The following SLC12A5 variants were observed in gnomAD, a reference collection of about 807,000 sequenced individuals.
SLC12A5 encodes the protein solute carrier family 12 member 5, also known as K-Cl cotransporter 2.
A neutral mutation model predicts 124.0 loss-of-function variants in SLC12A5; 18 were observed. The ratio of observed to expected loss-of-function variants is 0.15; its 90% CI spans 0.10 to 0.22. The LOEUF (loss-of-function observed/expected upper bound fraction) is 0.22, where lower values mean the gene tolerates loss of function less well. SLC12A5 is among the 10% of genes least tolerant of loss of function. The probability of loss-of-function intolerance (pLI) is 1.00; values close to 1 mark genes in which losing one functional copy is unlikely to be tolerated. For synonymous variants in SLC12A5, 589 were observed against 568.0 expected (o/e 1.04, Z -0.53); for missense variants, 867 against 1,478.7 (o/e 0.59, Z 6.78).
At position 46,056,974 on chromosome 20, in the gene SLC12A5, C is replaced by T; in HGVS notation, c.3125+63C>T. 6.2e-7 allele frequency: 1 copy of T among 1,612,298 alleles called. No homozygotes were observed. ...ATGGCCAGGGTCCCTACCCTCCTCA[C>T]TCTGTTGTGAACCCCTAATTGGTGC... On this transcript the variant is annotated intron_variant, in intron 24 of 25. Transcript: ENST00000243964. The surrounding 1 kb of genome is among the most constrained non-coding windows in gnomAD (Gnocchi z 4.3).
intron 4 of SLC12A5, 135 bp from the exon 5 acceptor site, chr20:46,036,606 A>G (rs1186837612): frequency 7.3e-6 from 6 of 825,722 alleles, no homozygotes; most frequent in Non-Finnish European, 1.2e-5. Flanking sequence ...AGAAGTTGGA[A>G]CAGGTCCAGG....
upstream of SLC12A5, chr20:46,021,722 G>T: frequency 6.5e-7 from 1 of 1,528,118 alleles, no homozygotes; most frequent in Non-Finnish European, 8.7e-7. Context: ...AGCCACTTGT[G>T]CGATCCCGGA....
Position 46,029,361 on chromosome 20 carries a change from C to T in SLC12A5, c.17C>T (p.Thr6Met), listed in dbSNP as rs538727547. Residue 6 changes from threonine (T) to methionine (M), a missense_variant, in exon 1 of 26, where the codon ACG becomes ATG. Physicochemically the swap from Thr to Met is moderately conservative, Grantham distance 81 (BLOSUM62 -1). Around this residue, in one of 9 missense-constraint regions of SLC12A5, gnomAD observed 58 missense variants for 52.2 expected, o/e 1.11. Transcript: ENST00000243964. MLNNL[T>M]DCEDGDGGAN... ...GCCGCCACCATGCTAAACAACCTGACGGACTGCGAGGACGGCGATGGGGGA... is the reference window on the plus strand; with the variant it reads ...GCCGCCACCATGCTAAACAACCTGATGGACTGCGAGGACGGCGATGGGGGA... 4.5e-6 allele frequency: 7 copies of T among 1,548,944 alleles called. No homozygotes were observed. The Admixed American group carries it at 1.2e-4, about 26-fold the overall frequency.
Position 46,056,850 on chromosome 20 carries a change from C to T in SLC12A5, c.3111-47C>T. Reference sequence around the variant, plus strand: ...CCCCAGTGTCTTCCTCTTTTTCTGACTCTGCTCTTTTTCTTTCTCTCTTTG... The same window carrying T: ...CCCCAGTGTCTTCCTCTTTTTCTGATTCTGCTCTTTTTCTTTCTCTCTTTG... On this transcript the variant is annotated intron_variant, in intron 23 of 25. Coordinates refer to ENST00000243964, the MANE Select transcript of SLC12A5 (RefSeq NM_020708.5). This position sits in a 1 kb window ranked among gnomAD's most constrained non-coding sequence, Gnocchi z 4.3. The T allele has an allele frequency of 2.5e-6, 4 of 1,596,082 alleles. No individual in the cohort carries two copies. The highest frequency in any genetic ancestry group is 3.4e-6 in the Non-Finnish European group (4 of 1,164,094).
chr20:46,056,183 A>G lies in SLC12A5; in HGVS notation c.2821A>G (p.Ile941Val). Reference sequence around the variant, plus strand: ...TATCACAGATGAGTCACGAGGCTCAATCCGGAGAAAGAATCCAGCCAACAC... The same window carrying G: ...TATCACAGATGAGTCACGAGGCTCAGTCCGGAGAAAGAATCCAGCCAACAC... ...QSITDESRGS[I>V]RRKNPANTRL... The change falls in exon 22 of 26, where the codon ATC becomes GTC. Residue 941 changes from isoleucine (I) to valine (V), a missense_variant. By Grantham distance (29) the Ile-to-Val change is conservative. Coordinates refer to ENST00000243964, the MANE Select transcript of SLC12A5 (RefSeq NM_020708.5). The surrounding 1 kb of genome is among the most constrained non-coding windows in gnomAD (Gnocchi z 4.3). 6.2e-7 allele frequency: 1 copy of G among 1,614,168 alleles called. No homozygotes were observed. Among genetic ancestry groups the G allele is most frequent in the Non-Finnish European group, 8.5e-7 (1 of 1,180,016 alleles).
chr20:46,047,848 G>A (rs1017156527), intron 15 of SLC12A5, 133 bp from the exon 16 acceptor site: 2 of 907,518 alleles, frequency 2.2e-6, no homozygotes, highest in African/African-American at 3.3e-5. Flanking sequence ...TGAGTCTGTT[G>A]GCAGGAGTGA....
At chr20:46,050,771 G>A (rs1448778564) in intron 17 of SLC12A5, among the ~76,000 whole-genome samples, 2 of 152,216 alleles carry the variant, frequency 1.3e-5, no homozygotes, top group Admixed American at 6.5e-5. Context: ...ACAGGCTGGT[G>A]GGGAAGGCAG....
intron 1 of SLC12A5, among the ~76,000 whole-genome samples, chr20:46,030,587 G>T (rs1357955515): frequency 6.6e-6 from 1 of 151,888 alleles, no homozygotes. Flanking sequence ...TGCTGTCTGC[G>T]CTCAGCGCCT....
chr20:46,046,099 C>A, intron 13 of SLC12A5, 103 bp downstream of exon 13: 1 of 1,085,214 alleles, frequency 9.2e-7, no homozygotes, highest in Non-Finnish European at 1.4e-6. Context: ...TTTAGCAACC[C>A]CAGGAAGTTC....
upstream of SLC12A5, among the ~76,000 whole-genome samples, chr20:46,027,308 A>T (rs902140779): frequency 6.6e-6 from 1 of 152,178 alleles, no homozygotes; most frequent in Non-Finnish European, 1.5e-5. Context: ...TATCCAAAAA[A>T]CCAAGTGGCA....
chr20:46,027,695 G>T (rs578130062), upstream of SLC12A5: 1 of 152,366 alleles, frequency 6.6e-6, no homozygotes, highest in South Asian at 2.1e-4. Context: ...GAGGGGCATG[G>T]ATATGACTGC....
Position 46,045,023 on chromosome 20 carries a change from A to C in SLC12A5, c.1452A>C (p.Pro484=). Reference sequence around the variant, plus strand: ...TGGGCACTCTGGCCTGGCCATCTCCATGGGTAATTGTCATCGGATCCTTCT... The same window carrying C: ...TGGGCACTCTGGCCTGGCCATCTCCCTGGGTAATTGTCATCGGATCCTTCT... The part of the protein sequence containing the change: ...LVVGTLAWPS[P]WVIVIGSFFS... The change falls in exon 12 of 26, where the codon CCA becomes CCC. Residue 484 remains proline (P), a synonymous_variant. Transcript: ENST00000243964. The surrounding 1 kb of genome is among the most constrained non-coding windows in gnomAD (Gnocchi z 4.9). 1 of 1,614,118 alleles carries C rather than the reference A, an allele frequency of 6.2e-7. No individual in the cohort carries two copies. The highest frequency in any genetic ancestry group is 8.5e-7 in the Non-Finnish European group (1 of 1,180,004).
intron 4 of SLC12A5, 143 bp downstream of exon 4, chr20:46,036,066 T>G: frequency 9.9e-7 from 1 of 1,009,518 alleles, no homozygotes; most frequent in Non-Finnish European, 1.4e-6. Flanking sequence ...AAATTAGGCC[T>G]GACTGGTCCT....
upstream of SLC12A5, among the ~76,000 whole-genome samples, chr20:46,025,744 G>A (rs1409401776): frequency 3.3e-5 from 5 of 152,214 alleles, no homozygotes; most frequent in African/African-American, 9.7e-5. Flanking sequence ...TGTGTGGGGC[G>A]TGCTTTGCGC....
In SLC12A5 at chr20:46,022,974, GGAAGAGGAGGAGGAGGAA is replaced by G. The variant is rs1304747331; in HGVS notation, c.96_113del (p.Arg33_Arg38del). The G allele has an allele frequency of 3.8e-3, 1,416 of 368,998 alleles. 8 individuals are homozygous for G. The highest frequency in any genetic ancestry group is 3.3e-3 in the Admixed American group (65 of 19,694). 22.9% of individuals were successfully genotyped at this position (368,998 alleles called of 1,614,324 possible). On this transcript the variant is annotated inframe_deletion, in exon 2 of 3. Coordinates refer to the SLC12A5 transcript ENST00000413737. ...AGGAGGAGGAGGAGGAGGAGGAGGA[GGAAGAGGAGGAGGAGGAA>G]GAGGAGGAGGAAGAGGAGGAGGAGG...
rs2084662105 is a variant in SLC12A5, at chr20:46,053,262, A to G, written c.2547+136A>G. On this transcript the variant is annotated intron_variant, in intron 19 of 25. Coordinates refer to ENST00000243964, the MANE Select transcript of SLC12A5 (RefSeq NM_020708.5). The surrounding 1 kb of genome is among the most constrained non-coding windows in gnomAD (Gnocchi z 4.7). ...GCTTCCGTGTCCTTCCTCCCCTGTA[A>G]ACTCCTGGGAAAGGGATCTGCTGAC... is the stretch of plus-strand genomic sequence containing the variant. 2 of 959,070 alleles carry G rather than the reference A, an allele frequency of 2.1e-6. No individual in the cohort carries two copies. Among genetic ancestry groups the G allele is most frequent in the Non-Finnish European group, 3.0e-6 (2 of 658,932 alleles). 59.4% of individuals were successfully genotyped at this position (959,070 alleles called of 1,614,324 possible).
Position 46,029,283 on chromosome 20 carries a change from C to A in SLC12A5, c.-62C>A, listed in dbSNP as rs1048309016. 9.3e-6 allele frequency: 14 copies of A among 1,510,346 alleles called. No homozygotes were observed. The highest frequency in any genetic ancestry group is 6.4e-5 in the South Asian group (5 of 78,396). 93.6% of individuals were successfully genotyped at this position (1,510,346 alleles called of 1,614,324 possible). On this transcript the variant is annotated 5_prime_UTR_variant, in exon 1 of 26. Transcript: ENST00000243964. ...ACAGCGAACGAGAGAGCGGCGAAGG[C>A]GGGTAGAGGGGCGCGGGCGAGGCGG...
At chr20:46,026,336 C>G (rs1444436213), upstream of SLC12A5, among the ~76,000 whole-genome samples, 4 of 152,126 alleles carry the variant, frequency 2.6e-5, no homozygotes, top group Admixed American at 6.5e-5. Context: ...TCTCTGGCCC[C>G]AGATCTCCCC....
upstream of SLC12A5, among the ~76,000 whole-genome samples, chr20:46,024,865 C>T (rs2084383723): frequency 6.6e-6 from 1 of 152,190 alleles, no homozygotes; most frequent in Non-Finnish European, 1.5e-5. Context: ...GAGATGCTCC[C>T]CTATTCCTTT....
Sources: allele counts gnomAD v4.1 joint callset (sites outside exome capture counted in the v4.1 genomes callset), GRCh38; gene constraint gnomAD v4.1.1; regional missense constraint gnomAD v4.1.1; non-coding constraint Gnocchi (gnomAD v3.1); transcripts MANE v1.5; gene names NCBI Gene and HGNC (gene_info 2026-07-23, HGNC 2026-07-21).